The following CRPPA variants were observed in gnomAD, a reference collection of about 807,000 sequenced individuals.
CRPPA encodes the protein D-ribitol-5-phosphate cytidylyltransferase.
A neutral mutation model predicts 52.0 loss-of-function variants in CRPPA; 43 were observed. That is an observed-to-expected ratio of 0.83 (90% CI 0.65 to 1.07). The LOEUF (loss-of-function observed/expected upper bound fraction) is 1.07, where lower values mean the gene tolerates loss of function less well. Ranked by LOEUF, CRPPA falls within the 50% of genes least tolerant of loss-of-function variation. The probability of loss-of-function intolerance (pLI) is 0.00; values close to 1 mark genes in which losing one functional copy is unlikely to be tolerated. For synonymous variants in CRPPA, 250 were observed against 203.5 expected (o/e 1.23, Z -1.94); for missense variants, 629 against 551.7 (o/e 1.14, Z -1.40).
At chr7:16,166,641 A>G (rs1411456800) in intron 9 of CRPPA, among the ~76,000 whole-genome samples, 1 of 152,130 alleles carries the variant, frequency 6.6e-6, no homozygotes, top group Non-Finnish European at 1.5e-5. Flanking sequence ...TTTGTTATCA[A>G]TTGGTTAAAA....
At chr7:16,327,620 AAAAAAAAG>A in intron 3 of CRPPA, among the ~76,000 whole-genome samples, 1 of 151,418 alleles carries the variant, frequency 6.6e-6, no homozygotes. Context: ...AAAAAAAAAA[AAAAAAAAG>A]AGTAAATCCA....
chr7:16,249,562 C>T (rs1583464884), intron 8 of CRPPA, among the ~76,000 whole-genome samples: 1 of 152,280 alleles, frequency 6.6e-6, no homozygotes, highest in African/African-American at 2.4e-5. Flanking sequence ...GTTCTGCAGC[C>T]TCTGCTGATC....
At chr7:16,289,040 A>G (rs957517740) in intron 5 of CRPPA, among the ~76,000 whole-genome samples, 1 of 152,056 alleles carries the variant, frequency 6.6e-6, no homozygotes, top group Non-Finnish European at 1.5e-5. Context: ...CTGATACTAC[A>G]GAAATACAGA....
intron 3 of CRPPA, among the ~76,000 whole-genome samples, chr7:16,310,993 T>G (rs1253713800): frequency 6.6e-6 from 1 of 152,180 alleles, no homozygotes; most frequent in Non-Finnish European, 1.5e-5. Context: ...AAGAATTTTA[T>G]TATCCATGCA....
intron 3 of CRPPA, among the ~76,000 whole-genome samples, chr7:16,313,528 A>G (rs758683816): frequency 9.2e-5 from 14 of 151,894 alleles, no homozygotes; most frequent in Admixed American, 2.0e-4. Flanking sequence ...ACTTCCTATT[A>G]TCAATTTCAT....
chr7:16,303,125 C>T (rs1784824825), intron 4 of CRPPA, among the ~76,000 whole-genome samples: 1 of 152,098 alleles, frequency 6.6e-6, no homozygotes, highest in South Asian at 2.1e-4. Context: ...TTGGCATGTG[C>T]TTGTTTTAGA....
intron 8 of CRPPA, among the ~76,000 whole-genome samples, chr7:16,252,547 G>A (rs926636038): frequency 2.0e-5 from 3 of 152,170 alleles, no homozygotes; most frequent in Non-Finnish European, 4.4e-5. Context: ...GTTCATCACG[G>A]ATATTGGTCT....
intron 1 of CRPPA, among the ~76,000 whole-genome samples, chr7:16,414,584 A>G (rs1346572827): frequency 6.6e-6 from 1 of 152,180 alleles, no homozygotes; most frequent in Non-Finnish European, 1.5e-5. Flanking sequence ...CAATAACACC[A>G]TTGTCATCTG....
At chr7:16,137,056 C>G (rs550227014) in intron 9 of CRPPA, among the ~76,000 whole-genome samples, 1 of 152,238 alleles carries the variant, frequency 6.6e-6, no homozygotes, top group Non-Finnish European at 1.5e-5. Flanking sequence ...TGGTTAACCA[C>G]GAGCTATGGG....
chr7:16,356,762 C>T lies in CRPPA; in HGVS notation c.684+19330G>A, dbSNP rs115162088. 5.0e-3 allele frequency among the ~76,000 whole-genome samples: 767 copies of T among 152,262 alleles called. 6 individuals are homozygous for T. The highest frequency in any genetic ancestry group is 0.018 in the African/African-American group (749 of 41,552). ...ATCATAGTTATTTTAAACTACTCTG[C>T]CATTTCCAACATCTGGGTCCTTTTC... On this transcript the variant is annotated intron_variant, in intron 3 of 9. Transcript: ENST00000407010.
intron 3 of CRPPA, among the ~76,000 whole-genome samples, chr7:16,322,584 C>A (rs1785286093): frequency 6.6e-6 from 1 of 152,142 alleles, no homozygotes; most frequent in Admixed American, 6.5e-5. Context: ...AAGCAGAGAA[C>A]TGGGACTTAA....
chr7:16,374,847 A>T (rs1005000546), intron 3 of CRPPA, among the ~76,000 whole-genome samples: 1 of 152,156 alleles, frequency 6.6e-6, no homozygotes, highest in African/African-American at 2.4e-5. Flanking sequence ...ATCTATAACT[A>T]TTCAGCTACC....
chr7:16,314,113 T>G (rs1017583482), intron 3 of CRPPA, among the ~76,000 whole-genome samples: 1 of 151,728 alleles, frequency 6.6e-6, no homozygotes, highest in African/African-American at 2.4e-5. Context: ...AGTCTCCAAG[T>G]ATAATAATGG....
intron 9 of CRPPA, among the ~76,000 whole-genome samples, chr7:16,196,089 A>ATG (rs755838516): frequency 3.0e-4 from 46 of 151,588 alleles, no homozygotes; most frequent in Non-Finnish European, 5.9e-4. Context: ...TATGTAGTAT[A>ATG]TGTGTATATA....
intron 9 of CRPPA, among the ~76,000 whole-genome samples, chr7:16,154,348 C>T (rs1395085322): frequency 6.6e-6 from 1 of 152,020 alleles, no homozygotes; most frequent in African/African-American, 2.4e-5. Flanking sequence ...CCTTCCTCAC[C>T]TCCAACCCCC....
In CRPPA at chr7:16,389,924, AAAAAATATATATAT is replaced by A. The variant is rs1325337783; in HGVS notation, c.535-13697_535-13684del. Among the ~76,000 whole-genome samples, 39 of 62,562 alleles carry A rather than the reference AAAAAATATATATAT, an allele frequency of 6.2e-4. 1 individual carries two copies. The highest frequency in any genetic ancestry group is 6.2e-3 in the Admixed American group (34 of 5,500). 41.0% of individuals were successfully genotyped at this position (62,562 alleles called of 152,430 possible). A position where few individuals can be genotyped will look rare whatever the true frequency, so the allele number is the denominator to read the frequency against. ...ACAAGCCTAGTATACAAAAAAAAAAAAAAAATATATATATATATATATATATATATATATCAGTT... is the reference window on the plus strand; with the variant it reads ...ACAAGCCTAGTATACAAAAAAAAAAAATATATATATATATATATATCAGTT... On this transcript the variant is annotated intron_variant, in intron 2 of 9. Coordinates refer to ENST00000407010, the MANE Select transcript of CRPPA (RefSeq NM_001101426.4).
chr7:16,332,904 T>A (rs1785587267), intron 3 of CRPPA, among the ~76,000 whole-genome samples: 1 of 151,236 alleles, frequency 6.6e-6, no homozygotes. Flanking sequence ...ACTTTAAATA[T>A]AAAGACACAG....
chr7:16,106,248 C>T (rs968624838), intron 9 of CRPPA, among the ~76,000 whole-genome samples: 1 of 152,218 alleles, frequency 6.6e-6, no homozygotes, highest in Admixed American at 6.5e-5. Flanking sequence ...CATCCTGTGG[C>T]TCCACCTTGA....
At chr7:16,194,548 T>C (rs761200071) in intron 9 of CRPPA, among the ~76,000 whole-genome samples, 12 of 152,254 alleles carry the variant, frequency 7.9e-5, no homozygotes, top group Middle Eastern at 3.4e-3. Context: ...AGAAAACCTA[T>C]GGAAAGTATT....
Sources: allele counts gnomAD v4.1 joint callset (sites outside exome capture counted in the v4.1 genomes callset), GRCh38; gene constraint gnomAD v4.1.1; transcripts MANE v1.5; gene names NCBI Gene and HGNC (gene_info 2026-07-23, HGNC 2026-07-21).